HEMK2: variants seen among roughly 807,000 people sequenced by gnomAD.
HEMK2 encodes methyltransferase HEMK2.
At chr21:28,746,133 C>T in the HEMK2 span, among the ~76,000 whole-genome samples, 3 of 152,040 alleles carry the variant, frequency 2.0e-5, no homozygotes, top group Non-Finnish European at 4.4e-5. Context: ...ACTGATAAAA[C>T]GTTTTGTTTT....
the HEMK2 span, among the ~76,000 whole-genome samples, chr21:28,721,900 T>TCACA: frequency 0.056 from 7,087 of 127,224 alleles, 316 homozygotes; most frequent in East Asian, 0.14. Context: ...TTCTTAACCA[T>TCACA]CACACACACA....
chr21:28,885,213 C>A, the HEMK2 span: 1 of 1,577,006 alleles, frequency 6.3e-7, no homozygotes, highest in Non-Finnish European at 8.7e-7. Context: ...TCCTCGCACC[C>A]TGCCAGTTCG....
chr21:28,873,591 C>T, the HEMK2 span: 1 of 152,220 alleles, frequency 6.6e-6, no homozygotes, highest in Non-Finnish European at 1.5e-5. Context: ...TGTAGTTTTC[C>T]ATTGACCTTA....
At chr21:28,813,451 T>C in the HEMK2 span, among the ~76,000 whole-genome samples, 1 of 152,154 alleles carries the variant, frequency 6.6e-6, no homozygotes, top group Non-Finnish European at 1.5e-5. Context: ...TGGAAAAACA[T>C]TCCATGTTCA....
At chr21:28,707,437 G>A in the HEMK2 span, among the ~76,000 whole-genome samples, 1 of 151,724 alleles carries the variant, frequency 6.6e-6, no homozygotes, top group Non-Finnish European at 1.5e-5. Flanking sequence ...TGTATTTTTT[G>A]TATAGACGGG....
At chr21:28,612,110 G>A in the HEMK2 span, among the ~76,000 whole-genome samples, 2 of 151,114 alleles carry the variant, frequency 1.3e-5, no homozygotes, top group East Asian at 1.9e-4. Flanking sequence ...AACCAGGAAA[G>A]GGCATAACAA....
At chr21:28,868,950 C>T in the HEMK2 span, among the ~76,000 whole-genome samples, 7 of 151,558 alleles carry the variant, frequency 4.6e-5, no homozygotes, top group African/African-American at 1.7e-4. Context: ...CAATTTTGTT[C>T]GTATTTTCCT....
At chr21:28,779,674 G>A in the HEMK2 span, among the ~76,000 whole-genome samples, 1 of 152,036 alleles carries the variant, frequency 6.6e-6, no homozygotes, top group Non-Finnish European at 1.5e-5. Flanking sequence ...ACTTTCTCCT[G>A]CCATGTTTCC....
chr21:28,860,049 G>A, the HEMK2 span, among the ~76,000 whole-genome samples: 8 of 152,234 alleles, frequency 5.3e-5, no homozygotes, highest in East Asian at 1.5e-3. Flanking sequence ...AGTTGACAAG[G>A]GGTGGACTTG....
the HEMK2 span, among the ~76,000 whole-genome samples, chr21:28,592,589 G>A: frequency 1.3e-5 from 2 of 152,218 alleles, no homozygotes; most frequent in Admixed American, 1.3e-4. Context: ...AGACGACTCT[G>A]GAGGAAACAT....
the HEMK2 span, among the ~76,000 whole-genome samples, chr21:28,616,507 A>C: frequency 5.3e-5 from 8 of 152,198 alleles, no homozygotes; most frequent in South Asian, 2.1e-4. Flanking sequence ...TTAGATTTTT[A>C]AGAAACTGTA....
the HEMK2 span, among the ~76,000 whole-genome samples, chr21:28,630,710 A>G: frequency 6.9e-6 from 1 of 145,316 alleles, no homozygotes; most frequent in East Asian, 2.1e-4. Context: ...GTTCTCACTC[A>G]TAGGTGGGAA....
At chr21:28,621,980 C>G in the HEMK2 span, among the ~76,000 whole-genome samples, 1 of 152,154 alleles carries the variant, frequency 6.6e-6, no homozygotes, top group Non-Finnish European at 1.5e-5. Flanking sequence ...TCTGTTTTAT[C>G]AGAAACTAGG....
At chr21:28,876,983 TGGAG>T in the HEMK2 span, among the ~76,000 whole-genome samples, 8,327 of 79,390 alleles carry the variant, frequency 0.1, 791 homozygotes, top group South Asian at 0.15. Context: ...ACTAAGACAA[TGGAG>T]GGAGGGAGGG....
chr21:28,864,485 T>C, the HEMK2 span, among the ~76,000 whole-genome samples: 1 of 152,202 alleles, frequency 6.6e-6, no homozygotes. Flanking sequence ...CCATGAAGAC[T>C]GTCCTTTGAT....
the HEMK2 span, among the ~76,000 whole-genome samples, chr21:28,730,220 A>AG: frequency 6.6e-6 from 1 of 151,274 alleles, no homozygotes; most frequent in Non-Finnish European, 1.5e-5. Flanking sequence ...TGCCACAAAA[A>AG]AAAAGTTTTA....
At chr21:28,640,575 A>C in the HEMK2 span, among the ~76,000 whole-genome samples, 1 of 152,192 alleles carries the variant, frequency 6.6e-6, no homozygotes, top group Non-Finnish European at 1.5e-5. Flanking sequence ...AAATCAAATT[A>C]AGGTATCTCT....
the HEMK2 span, among the ~76,000 whole-genome samples, chr21:28,720,557 AC>A: frequency 2.7e-3 from 418 of 152,160 alleles, no homozygotes; most frequent in African/African-American, 9.6e-3. Context: ...ACATAGCAAA[AC>A]CCCGTCTCTA....
At chr21:28,606,702 T>G in the HEMK2 span, among the ~76,000 whole-genome samples, 24 of 152,184 alleles carry the variant, frequency 1.6e-4, no homozygotes, top group African/African-American at 4.8e-4. Flanking sequence ...CGTCTCAATG[T>G]GCCAAGCAAT....
Sources: allele counts gnomAD v4.1 joint callset (sites outside exome capture counted in the v4.1 genomes callset), GRCh38; gene constraint gnomAD v4.1.1; transcripts MANE v1.5; gene names NCBI Gene and HGNC (gene_info 2026-07-23, HGNC 2026-07-21).